The following CD99L2 variants were observed in gnomAD, a reference collection of about 807,000 sequenced individuals.
CD99L2 encodes CD99 molecule like 2.
In CD99L2, 24 loss-of-function variants were observed where a neutral mutation model predicts 27.3. The observed-to-expected ratio is 0.88, with a 90% CI of 0.64 to 1.24. CD99L2 has a LOEUF of 1.24. Among genes scored for constraint, CD99L2 ranks in the 50% most tolerant of loss-of-function variants. CD99L2 has a pLI of 0.00. For missense variants in CD99L2, 255 were observed against 221.6 expected, an observed-to-expected ratio of 1.15 and a Z score of -0.96; for synonymous variants, 97 against 87.9, an observed-to-expected ratio of 1.10 and a Z score of -0.58.
chrX:150,824,979 T>C (rs1293502361), intron 2 of CD99L2, among the ~76,000 whole-genome samples: 1 of 112,136 alleles, frequency 8.9e-6, no homozygotes, highest in East Asian at 2.8e-4. Context: ...TGAATGGATA[T>C]TTATGGTAAG....
At chrX:150,815,912 G>A (rs782007400) in intron 3 of CD99L2, 95 bp downstream of exon 3, 39 of 857,689 alleles carry the variant, frequency 4.5e-5, no homozygotes, top group Non-Finnish European at 6.4e-5. Context: ...CTGCACACAT[G>A]GGGCTTAAAA....
chrX:150,805,827 T>C (rs1025456235), intron 4 of CD99L2, among the ~76,000 whole-genome samples: 5 of 111,806 alleles, frequency 4.5e-5, no homozygotes, highest in African/African-American at 9.8e-5. Context: ...ATTTTTGAAA[T>C]TGCCAAATGC....
intron 4 of CD99L2, among the ~76,000 whole-genome samples, chrX:150,806,116 C>G (rs2045989493): frequency 8.9e-6 from 1 of 112,352 alleles, no homozygotes. Context: ...TGATCTTATA[C>G]TATAGTTTTG....
At chrX:150,827,686 G>A (rs1435167178) in intron 2 of CD99L2, among the ~76,000 whole-genome samples, 1 of 111,492 alleles carries the variant, frequency 9.0e-6, no homozygotes, top group Non-Finnish European at 1.9e-5. Flanking sequence ...GCATGCAGAG[G>A]ACAGCATGAA....
rs2148699265 is a variant in CD99L2, at chrX:150,767,839, GACAACAGAGC to G, written c.*1185_*1194del. The G allele has an allele frequency of 9.0e-6, 1 of 111,445 alleles. No homozygotes were observed. Among genetic ancestry groups the G allele is most frequent in the East Asian group, 2.9e-4 (1 of 3,481 alleles). The allele number at this position is 111,445 out of a possible 1,213,427, so 9.2% of individuals were successfully genotyped here. ...ATGTGGTTCTGTCCCGTGAGCCTCT[GACAACAGAGC>G]TCACCGGGACAGAACCATATGTGGG... On this transcript the variant is annotated 3_prime_UTR_variant, in exon 11 of 11. Transcript: ENST00000370377.
intron 1 of CD99L2, among the ~76,000 whole-genome samples, chrX:150,836,050 T>C (rs1196601851): frequency 8.9e-6 from 1 of 111,833 alleles, no homozygotes; most frequent in Non-Finnish European, 1.9e-5. Flanking sequence ...ACAATAGAAT[T>C]TGTCCTCACA....
intron 1 of CD99L2, among the ~76,000 whole-genome samples, chrX:150,880,170 A>G (rs1557422453): frequency 8.9e-6 from 1 of 111,952 alleles, no homozygotes. Context: ...ACAAAGTTAA[A>G]CATAGCATTA....
intron 4 of CD99L2, among the ~76,000 whole-genome samples, chrX:150,811,171 G>T (rs1432368177): frequency 8.9e-6 from 1 of 112,069 alleles, no homozygotes; most frequent in African/African-American, 3.2e-5. Context: ...CACATGAAAA[G>T]ATATTTGATT....
intron 2 of CD99L2, among the ~76,000 whole-genome samples, chrX:150,826,542 G>C (rs1372422538): frequency 3.6e-5 from 4 of 111,931 alleles, no homozygotes; most frequent in Non-Finnish European, 7.5e-5. Flanking sequence ...GAATAGGGAA[G>C]TCCATGGAGA....
chrX:150,774,411 G>A (rs2043513858), intron 9 of CD99L2, among the ~76,000 whole-genome samples: 1 of 111,132 alleles, frequency 9.0e-6, no homozygotes, highest in Non-Finnish European at 1.9e-5. Flanking sequence ...GAGGGGAGAC[G>A]AGTATGGAGA....
chrX:150,769,460 G>A (rs1267542747), intron 10 of CD99L2, among the ~76,000 whole-genome samples: 1 of 112,810 alleles, frequency 8.9e-6, no homozygotes, highest in Non-Finnish European at 1.9e-5. Flanking sequence ...GACAGTGGAT[G>A]CGACAGCGGA....
At chrX:150,806,604 T>C (rs1557420243) in intron 4 of CD99L2, among the ~76,000 whole-genome samples, 1 of 112,077 alleles carries the variant, frequency 8.9e-6, no homozygotes, top group Non-Finnish European at 1.9e-5. Flanking sequence ...AAAATGGCAG[T>C]AGAAGGCCGG....
At chrX:150,792,386 T>C (rs1310751828) in intron 7 of CD99L2, among the ~76,000 whole-genome samples, 6 of 112,047 alleles carry the variant, frequency 5.4e-5, no homozygotes, top group Non-Finnish European at 1.1e-4. Flanking sequence ...CCAGAAGTAA[T>C]TGGCTAATTT....
At chrX:150,850,090 G>A (rs2046766451) in intron 1 of CD99L2, among the ~76,000 whole-genome samples, 1 of 111,655 alleles carries the variant, frequency 9.0e-6, no homozygotes, top group Non-Finnish European at 1.9e-5. Context: ...ATGTTCTGAG[G>A]ACACAACAAG....
At chrX:150,880,385 G>C (rs1477106204) in intron 1 of CD99L2, among the ~76,000 whole-genome samples, 2 of 112,154 alleles carry the variant, frequency 1.8e-5, no homozygotes, top group Non-Finnish European at 3.8e-5. Context: ...ATGAATATCT[G>C]ATCCATGCTA....
chrX:150,772,121 C>T (rs1272643762), intron 9 of CD99L2, among the ~76,000 whole-genome samples: 1 of 112,019 alleles, frequency 8.9e-6, no homozygotes, highest in Non-Finnish European at 1.9e-5. Flanking sequence ...GGAGGCCCAA[C>T]CCCCAGCTTC....
chrX:150,799,895 G>A (rs1052634935), intron 4 of CD99L2, among the ~76,000 whole-genome samples: 3 of 111,797 alleles, frequency 2.7e-5, no homozygotes, highest in Non-Finnish European at 3.8e-5. Context: ...CATATGAATT[G>A]AAAGCAGAGA....
chrX:150,841,945 T>C (rs1557421362), intron 1 of CD99L2, among the ~76,000 whole-genome samples: 1 of 111,678 alleles, frequency 9.0e-6, no homozygotes, highest in Admixed American at 9.5e-5. Flanking sequence ...AGCTATTAAC[T>C]AAACTCAGTT....
At chrX:150,850,223 G>A (rs781870953) in intron 1 of CD99L2, among the ~76,000 whole-genome samples, 6 of 112,133 alleles carry the variant, frequency 5.4e-5, no homozygotes, top group Admixed American at 4.7e-4. Flanking sequence ...AAAGTCTCCT[G>A]TATGTCCTAA....
Sources: allele counts gnomAD v4.1 joint callset (sites outside exome capture counted in the v4.1 genomes callset), GRCh38; gene constraint gnomAD v4.1.1; transcripts MANE v1.5; gene names NCBI Gene and HGNC (gene_info 2026-07-23, HGNC 2026-07-21).